AXDND1: variants seen among roughly 807,000 people sequenced by gnomAD.
AXDND1 encodes the protein axonemal dynein light chain domain-containing protein 1.
A neutral mutation model predicts 137.5 loss-of-function variants in AXDND1; 110 were observed. The ratio of observed to expected loss-of-function variants is 0.80; its 90% CI spans 0.69 to 0.94. The LOEUF is 0.94. Among genes scored for constraint, AXDND1 ranks in the 40% least tolerant of loss-of-function variants. The pLI is 0.00. For synonymous variants in AXDND1, 414 were observed against 399.7 expected, an observed-to-expected ratio of 1.04 and a Z score of -0.43; for missense variants, 1,191 against 1,169.8, an observed-to-expected ratio of 1.02 and a Z score of -0.26.
intron 16 of AXDND1, chr1:179,456,889 C>A: frequency 1.0e-6 from 1 of 957,154 alleles, no homozygotes; most frequent in Non-Finnish European, 1.7e-6. Flanking sequence ...TCAAAGGTTA[C>A]AAAGGCAAAG....
Position 179,432,308 on chromosome 1 carries a change from A to G in AXDND1, c.1529A>G (p.Asn510Ser). Residue 510 changes from asparagine to serine, a missense_variant, in exon 15 of 26, where the codon AAT becomes AGT. Coordinates refer to ENST00000367618, the MANE Select transcript of AXDND1 (RefSeq NM_144696.6). ...TCCCCTAATAAGGGAAATATATTTA[A>G]TTCAGTTCTTTTAGACTTCAAACAG... is the stretch of plus-strand genomic sequence containing the variant. ...ILSPNKGNIF[N>S]SVLLDFKQWQ... 4 of 1,573,782 alleles carry G rather than the reference A, an allele frequency of 2.5e-6. No individual in the cohort carries two copies. Among genetic ancestry groups the G allele is most frequent in the Non-Finnish European group, 3.5e-6 (4 of 1,157,586 alleles).
At chr1:179,465,977 A>G (rs888214253) in intron 16 of AXDND1, among the ~76,000 whole-genome samples, 2 of 152,122 alleles carry the variant, frequency 1.3e-5, no homozygotes, top group Non-Finnish European at 2.9e-5. Context: ...GGAAAAGCGC[A>G]GTATTAGGGT....
At chr1:179,426,352 C>T (rs1373202151) in intron 12 of AXDND1, among the ~76,000 whole-genome samples, 1 of 151,966 alleles carries the variant, frequency 6.6e-6, no homozygotes, top group East Asian at 1.9e-4. Flanking sequence ...TTCAAATAGC[C>T]AATAAATATA....
rs535825914 is a variant in AXDND1, at chr1:179,481,851, G to A, written c.1998-1277G>A. Among the ~76,000 whole-genome samples the A allele has an allele frequency of 2.1e-3, 316 of 152,274 alleles. 2 individuals are homozygous for A. Among genetic ancestry groups the A allele is most frequent in the Admixed American group, 2.7e-3 (41 of 15,290 alleles). On this transcript the variant is annotated intron_variant, in intron 17 of 25. Coordinates refer to ENST00000367618, the MANE Select transcript of AXDND1 (RefSeq NM_144696.6). ...ACTTTCATGTAGTTTTGGCTCCTTG[G>A]AAAGAATAATTCCTGAGATCAGTGT... is the stretch of plus-strand genomic sequence containing the variant.
At chr1:179,488,708 GTCTC>G (rs774512140) in intron 18 of AXDND1, among the ~76,000 whole-genome samples, 5 of 95,780 alleles carry the variant, frequency 5.2e-5, no homozygotes, top group South Asian at 2.9e-4. Context: ...TCCTCTCTCT[GTCTC>G]TCTCTCTCTT....
At chr1:179,491,193 C>G (rs1162756763) in intron 18 of AXDND1, among the ~76,000 whole-genome samples, 2 of 152,054 alleles carry the variant, frequency 1.3e-5, no homozygotes, top group African/African-American at 4.8e-5. Flanking sequence ...GCATGGTGGT[C>G]CCAGCTACTC....
At chr1:179,518,943 T>C (rs1217032547) in intron 21 of AXDND1, among the ~76,000 whole-genome samples, 1 of 152,204 alleles carries the variant, frequency 6.6e-6, no homozygotes, top group African/African-American at 2.4e-5. Flanking sequence ...TTTCTGTCTT[T>C]AGATCTTTGA....
chr1:179,465,349 C>G (rs1055612493), intron 16 of AXDND1, among the ~76,000 whole-genome samples: 1 of 152,170 alleles, frequency 6.6e-6, no homozygotes, highest in Admixed American at 6.5e-5. Flanking sequence ...CAGTCAGGAC[C>G]CTCAGCTGCA....
At chr1:179,468,338 A>T (rs1396141088) in intron 16 of AXDND1, 105 bp from the exon 17 acceptor site, 3 of 797,516 alleles carry the variant, frequency 3.8e-6, no homozygotes, top group Non-Finnish European at 3.9e-6. Flanking sequence ...ATAATAAAAG[A>T]TTTTTAAAAG....
At chr1:179,444,444 A>G (rs979428300) in intron 15 of AXDND1, among the ~76,000 whole-genome samples, 4 of 152,140 alleles carry the variant, frequency 2.6e-5, no homozygotes, top group Admixed American at 1.3e-4. Context: ...TAATGTTCCT[A>G]TTATCTGAGC....
At chr1:179,411,299 T>C in intron 12 of AXDND1, 33 bp downstream of exon 12, 2 of 1,595,644 alleles carry the variant, frequency 1.3e-6, no homozygotes, top group Non-Finnish European at 1.7e-6. Context: ...CTCACACTTC[T>C]TTTTTGGCTA....
intron 15 of AXDND1, among the ~76,000 whole-genome samples, chr1:179,439,584 GGGAAAACATAC>G (rs1658688273): frequency 7.8e-6 from 1 of 128,846 alleles, no homozygotes; most frequent in Non-Finnish European, 1.8e-5. Context: ...CCTCTGCACA[GGGAAAACATAC>G]TGCACAGGAC....
intron 9 of AXDND1, among the ~76,000 whole-genome samples, chr1:179,387,272 G>A (rs1245840377): frequency 6.6e-6 from 1 of 152,190 alleles, no homozygotes; most frequent in African/African-American, 2.4e-5. Flanking sequence ...GGGAAGCTGG[G>A]AAGTGCAGTG....
rs945969375 is a variant in AXDND1 at position 179,429,592 on chromosome 1, G to A, written c.1305G>A (p.Lys435=). ...LNEKGWNKYT[K]HFIILLSNKD... ...AAAAAGGCTGGAATAAATACACTAA[G>A]CATTTCATCATACTGCTATCAAACA... is the stretch of plus-strand genomic sequence containing the variant. The change falls in exon 13 of 26, where the codon AAG becomes AAA. Residue 435 remains lysine (K), a synonymous_variant. Transcript: ENST00000367618. 6.3e-7 allele frequency: 1 copy of A among 1,575,574 alleles called. No individual in the cohort carries two copies. Among genetic ancestry groups the A allele is most frequent in the Non-Finnish European group, 8.6e-7 (1 of 1,164,706 alleles).
intron 4 of AXDND1, among the ~76,000 whole-genome samples, chr1:179,370,712 G>A (rs886907054): frequency 1.3e-5 from 2 of 152,166 alleles, no homozygotes; most frequent in Non-Finnish European, 2.9e-5. Flanking sequence ...CTCCATGCAT[G>A]CGCCCTCACT....
Position 179,554,337 on chromosome 1 carries a change from ATTTG to A in AXDND1, c.3032-171_3032-168del. On this transcript the variant is annotated intron_variant, in intron 25 of 25. Coordinates refer to ENST00000367618, the MANE Select transcript of AXDND1 (RefSeq NM_144696.6). ...TGTTATGGCTGTAAGATATTAGGTG[ATTTG>A]TTTCTCTTTTTTATAAATTTATGCT... 3.1e-6 allele frequency: 3 copies of A among 954,500 alleles called. No individual in the cohort carries two copies. In the East Asian group the frequency reaches 7.5e-5, roughly 24 times the overall value. The allele number at this position is 954,500 out of a possible 1,614,324, so 59.1% of individuals were successfully genotyped here.
chr1:179,411,287 A>G, intron 12 of AXDND1, 21 bp downstream of exon 12: 1 of 1,599,404 alleles, frequency 6.3e-7, no homozygotes, highest in Non-Finnish European at 8.5e-7. Context: ...CTGGATTCAC[A>G]ACTCACACTT....
At chr1:179,554,051 TA>T (rs1422640995) in intron 25 of AXDND1, among the ~76,000 whole-genome samples, 1 of 152,062 alleles carries the variant, frequency 6.6e-6, no homozygotes, top group African/African-American at 2.4e-5. Context: ...TAGCTGGGAT[TA>T]CAGGCATGTG....
upstream of AXDND1, chr1:179,365,849 A>C (rs10753193): frequency 1.3e-5 from 2 of 152,206 alleles, no homozygotes; most frequent in East Asian, 3.9e-4. Flanking sequence ...AAGAAACTCC[A>C]AGAGGGTGTA....
Sources: gnomAD v4.1 joint callset for allele counts (sites outside exome capture counted in the v4.1 genomes callset) on GRCh38, gnomAD v4.1.1 for gene constraint, MANE v1.5 for transcripts, NCBI Gene and HGNC (gene_info 2026-07-23, HGNC 2026-07-21) for gene names.